The following TF variants were observed in gnomAD, a reference collection of about 807,000 sequenced individuals.
TF encodes the protein serotransferrin.
Under a neutral mutation model 82.4 loss-of-function variants are expected in TF, and 55 were observed. The observed-to-expected ratio is 0.67, with a 90% confidence interval of 0.54 to 0.84. TF has a LOEUF of 0.84. Among genes scored for constraint, TF ranks in the 40% least tolerant of loss-of-function variants. The probability of loss-of-function intolerance (pLI) is 0.00; values close to 1 mark genes in which losing one functional copy is unlikely to be tolerated. For synonymous variants in TF, 332 were observed against 332.6 expected, an observed-to-expected ratio of 1.00 and a Z score of 0.02; for missense variants, 737 against 868.4, an observed-to-expected ratio of 0.85 and a Z score of 1.90.
intron 12 of TF, 103 bp from the exon 13 acceptor site, chr3:133,767,926 A>G: frequency 2.1e-6 from 3 of 1,434,104 alleles, no homozygotes; most frequent in Non-Finnish European, 2.9e-6. Context: ...GAATTAATGA[A>G]TATGTTCTAC....
At chr3:133,758,013 G>A (rs1933887992) in intron 8 of TF, 67 bp downstream of exon 8, 1 of 1,523,078 alleles carries the variant, frequency 6.6e-7, no homozygotes. Context: ...AGGGGCCAGA[G>A]ATTGAGTCTT....
chr3:133,707,885 G>C, the TF span, among the ~76,000 whole-genome samples: 1 of 152,172 alleles, frequency 6.6e-6, no homozygotes, highest in South Asian at 2.1e-4. Context: ...TCCCACCAAA[G>C]ACATTCAGCA....
At position 133,755,747 on chromosome 3, in the gene TF, G is replaced by A. The variant is rs1933808365; in HGVS notation, c.635+252G>A. On this transcript the variant is annotated intron_variant, in intron 5 of 16. Coordinates refer to ENST00000402696, the MANE Select transcript of TF (RefSeq NM_001063.4). ...TTTCTCCCCAGAGCCCTCAAGCCTG[G>A]TCAGTGTCTCCTCTCGGTGGATCGG... The A allele has an allele frequency of 6.2e-5, 35 of 564,106 alleles. No homozygotes were observed. In the South Asian group the frequency reaches 6.6e-4, roughly 11 times the overall value. 34.9% of individuals were successfully genotyped at this position (564,106 alleles called of 1,614,324 possible). A position where few individuals can be genotyped will look rare whatever the true frequency, so the allele number is the denominator to read the frequency against.
At chr3:133,725,881 T>C in the TF span, among the ~76,000 whole-genome samples, 1 of 152,248 alleles carries the variant, frequency 6.6e-6, no homozygotes, top group African/African-American at 2.4e-5. Flanking sequence ...TGTTGAATTT[T>C]GTCAAATGCC....
chr3:133,765,296 C>A (rs1485488389), intron 11 of TF, among the ~76,000 whole-genome samples: 3 of 152,188 alleles, frequency 2.0e-5, no homozygotes, highest in Non-Finnish European at 4.4e-5. Flanking sequence ...AACCAAGGAA[C>A]TTTGCTTATT....
chr3:133,697,485 C>T, the TF span, among the ~76,000 whole-genome samples: 1 of 152,200 alleles, frequency 6.6e-6, no homozygotes, highest in Non-Finnish European at 1.5e-5. Context: ...TTGAAAACAT[C>T]CTCACTTTAT....
the TF span, among the ~76,000 whole-genome samples, chr3:133,707,190 TCACACA>T: frequency 1.3e-4 from 19 of 144,720 alleles, 1 homozygote; most frequent in South Asian, 9.1e-4. Flanking sequence ...AACCTCAGAG[TCACACA>T]CACACACACA....
intron 14 of TF, chr3:133,770,915 A>C: frequency 2.7e-6 from 1 of 367,284 alleles, no homozygotes; most frequent in Non-Finnish European, 5.1e-6. Flanking sequence ...CTTTTACATT[A>C]TGTGGATTTA....
the TF span, among the ~76,000 whole-genome samples, chr3:133,674,275 C>T: frequency 6.6e-6 from 1 of 152,192 alleles, no homozygotes; most frequent in Non-Finnish European, 1.5e-5. Context: ...TGGGAACCCC[C>T]GCGGATCTCT....
At chr3:133,736,647 A>AAAAAAAAAAAAAAAAAAAC in the TF span, among the ~76,000 whole-genome samples, 1 of 149,926 alleles carries the variant, frequency 6.7e-6, no homozygotes, top group Non-Finnish European at 1.5e-5. Context: ...AAAAAAAAAA[A>AAAAAAAAAAAAAAAAAAAC]AAAAGCAGGG....
At chr3:133,715,321 C>G in the TF span, among the ~76,000 whole-genome samples, 2 of 152,182 alleles carry the variant, frequency 1.3e-5, no homozygotes, top group Non-Finnish European at 2.9e-5. Flanking sequence ...CTACAACACC[C>G]TGCTGCCATA....
chr3:133,705,681 G>C, the TF span, among the ~76,000 whole-genome samples: 4 of 152,314 alleles, frequency 2.6e-5, no homozygotes, highest in African/African-American at 9.6e-5. Flanking sequence ...ACTTTGGATG[G>C]AGTAATGTGA....
the TF span, among the ~76,000 whole-genome samples, chr3:133,681,462 C>T: frequency 9.8e-5 from 15 of 152,300 alleles, no homozygotes; most frequent in South Asian, 1.5e-3. Context: ...CAAGGGAAGC[C>T]GTGACAGACG....
At chr3:133,756,367 C>A in intron 6 of TF, 30 bp downstream of exon 6, 1 of 1,610,690 alleles carries the variant, frequency 6.2e-7, no homozygotes, top group South Asian at 1.1e-5. Context: ...CCACCAGGGC[C>A]ACTCCAAGTA....
rs941318458 is a variant in TF, at chr3:133,764,892, G to T, written c.1315G>T (p.Asp439Tyr). ...TCCTGCAGAGAGCGATAATTGTGAGGATACACCAGAGGCAGGTGAGTTTGA... is the reference window on the plus strand; with the variant it reads ...TCCTGCAGAGAGCGATAATTGTGAGTATACACCAGAGGCAGGTGAGTTTGA... ...ENYNKSDNCE[D>Y]TPEAGYFAIA... is the part of the protein sequence containing the mutation. The change falls in exon 11 of 17, where the codon GAT becomes TAT. Residue 439 changes from aspartate to tyrosine, a missense_variant. Transcript: ENST00000402696. The T allele has an allele frequency of 1.2e-6, 2 of 1,614,016 alleles. No individual in the cohort carries two copies. The highest frequency in any genetic ancestry group is 1.7e-6 in the Non-Finnish European group (2 of 1,179,912).
the TF span, among the ~76,000 whole-genome samples, chr3:133,726,158 G>A: frequency 3.9e-5 from 6 of 152,294 alleles, no homozygotes; most frequent in Admixed American, 3.9e-4. Flanking sequence ...ATATCAGGAT[G>A]ATGCTGGCCT....
the TF span, chr3:133,699,584 C>A: frequency 3.3e-6 from 2 of 607,134 alleles, no homozygotes; most frequent in South Asian, 2.7e-5. Context: ...GTGTGGGTGG[C>A]AAGGAGGACT....
the TF span, among the ~76,000 whole-genome samples, chr3:133,740,986 ATTT>A: frequency 6.3e-4 from 30 of 47,478 alleles, no homozygotes; most frequent in South Asian, 5.9e-3. Context: ...ATCCAGCTCT[ATTT>A]TTTTTTTTTT....
intron 11 of TF, among the ~76,000 whole-genome samples, chr3:133,766,016 C>A (rs1379065306): frequency 6.6e-6 from 1 of 152,158 alleles, no homozygotes; most frequent in Admixed American, 6.5e-5. Flanking sequence ...ACTTCAGTGA[C>A]TTTATGCACT....
Sources: gnomAD v4.1 joint callset for allele counts (sites outside exome capture counted in the v4.1 genomes callset) on GRCh38, gnomAD v4.1.1 for gene constraint, MANE v1.5 for transcripts, NCBI Gene and HGNC (gene_info 2026-07-23, HGNC 2026-07-21) for gene names.